Variants in SBF2 observed in about 807,000 individuals in gnomAD.
SBF2 encodes the protein SET binding factor 2.
Under a neutral mutation model 225.2 loss-of-function variants are expected in SBF2, and 112 were observed. That is an observed-to-expected ratio of 0.50 (90% CI 0.43 to 0.58). The LOEUF is 0.58. Among genes scored for constraint, SBF2 ranks in the 20% least tolerant of loss-of-function variants. SBF2 has a pLI of 0.00. For missense variants in SBF2, 1,996 were observed against 2,206.2 expected (o/e 0.90, Z 1.91); for synonymous variants, 763 against 773.3 (o/e 0.99, Z 0.22).
At chr11:10,125,143 T>C (rs1953690999) in intron 2 of SBF2, among the ~76,000 whole-genome samples, 1 of 151,858 alleles carries the variant, frequency 6.6e-6, no homozygotes, top group Admixed American at 6.6e-5. Context: ...CTTAGAATTT[T>C]ACCATGAATA....
chr11:10,145,607 A>T (rs1954846986), intron 2 of SBF2, among the ~76,000 whole-genome samples: 1 of 152,082 alleles, frequency 6.6e-6, no homozygotes, highest in Non-Finnish European at 1.5e-5. Flanking sequence ...TTCTCCCAAA[A>T]TACTCTTAGT....
intron 2 of SBF2, among the ~76,000 whole-genome samples, chr11:10,105,762 C>T (rs7102016): frequency 0.52 from 79,594 of 151,966 alleles, 21,182 homozygotes; most frequent in Admixed American, 0.61. Context: ...AATGGGTAAC[C>T]GGAAGCAATA....
intron 6 of SBF2, among the ~76,000 whole-genome samples, chr11:10,008,145 A>G (rs1948281995): frequency 3.3e-5 from 5 of 152,220 alleles, no homozygotes; most frequent in Admixed American, 3.3e-4. Flanking sequence ...CCAGGGAGGT[A>G]TATGGGGAAG....
chr11:10,170,255 G>C (rs543450668), intron 2 of SBF2, among the ~76,000 whole-genome samples: 2 of 152,268 alleles, frequency 1.3e-5, no homozygotes, highest in Admixed American at 1.3e-4. Flanking sequence ...TAATGTCATA[G>C]CTTGAAGTCT....
At chr11:10,300,914 G>A (rs910052883) in intron 1 of SBF2, among the ~76,000 whole-genome samples, 5 of 151,112 alleles carry the variant, frequency 3.3e-5, no homozygotes, top group Admixed American at 6.6e-5. Context: ...CTCCCAAAGT[G>A]CTAGGATTAC....
chr11:9,856,725 A>G lies in SBF2; in HGVS notation c.2101-5T>C. On this transcript the variant is annotated splice_polypyrimidine_tract_variant and splice_region_variant and intron_variant, in intron 18 of 39. Transcript: ENST00000256190. Reference sequence around the variant, plus strand: ...ATGGTCATCAGGAAGCTTATCCTAAAAAATAAAGCAACACAATCCAAAAGA... The same window carrying G: ...ATGGTCATCAGGAAGCTTATCCTAAGAAATAAAGCAACACAATCCAAAAGA... 1 of 1,613,506 alleles carries G rather than the reference A, an allele frequency of 6.2e-7. No homozygotes were observed. The highest frequency in any genetic ancestry group is 1.1e-5 in the South Asian group (1 of 91,078).
chr11:10,233,179 A>G (rs962995010), intron 1 of SBF2, among the ~76,000 whole-genome samples: 2 of 152,180 alleles, frequency 1.3e-5, no homozygotes, highest in African/African-American at 4.8e-5. Flanking sequence ...CTTCCCTTTG[A>G]AAGTTTCATA....
rs748051997 is a variant in SBF2, at chr11:10,133,585, C to G, written c.141+60317G>C. Among the ~76,000 whole-genome samples, 28 of 139,800 alleles carry G rather than the reference C, an allele frequency of 2.0e-4. 4 individuals are homozygous for G. The highest frequency in any genetic ancestry group is 7.1e-3 in the Middle Eastern group (2 of 282). The allele number at this position is 139,800 out of a possible 152,430, so 91.7% of individuals were successfully genotyped here. On this transcript the variant is annotated intron_variant, in intron 2 of 39. Transcript: ENST00000256190. ...CCATTGCCCAGGGCCAGCAGGGCTGCCTGGCTGCTCCGAGTGCGGGGCCCA... is the reference window on the plus strand; with the variant it reads ...CCATTGCCCAGGGCCAGCAGGGCTGGCTGGCTGCTCCGAGTGCGGGGCCCA...
chr11:10,039,065 G>GTAATCTGTA (rs1452945288), intron 3 of SBF2, among the ~76,000 whole-genome samples: 4 of 151,834 alleles, frequency 2.6e-5, no homozygotes, highest in Non-Finnish European at 5.9e-5. Context: ...TACTGACAGT[G>GTAATCTGTA]TTACTGTATC....
chr11:9,813,971 A>G (rs1276521480), intron 29 of SBF2, among the ~76,000 whole-genome samples: 1 of 152,110 alleles, frequency 6.6e-6, no homozygotes, highest in Non-Finnish European at 1.5e-5. Context: ...AAAAACCACG[A>G]AAGGCTTTGT....
chr11:10,229,813 T>C (rs1020198200), intron 1 of SBF2, among the ~76,000 whole-genome samples: 11 of 152,230 alleles, frequency 7.2e-5, no homozygotes, highest in Non-Finnish European at 1.0e-4. Context: ...GAGAGTTCTG[T>C]AGATGTCTAT....
intron 26 of SBF2, among the ~76,000 whole-genome samples, chr11:9,834,236 A>G (rs1251373085): frequency 1.5e-4 from 22 of 145,944 alleles, no homozygotes; most frequent in East Asian, 1.3e-3. Flanking sequence ...GGGATTACAG[A>G]CATGTGCCAC....
chr11:9,980,587 G>T (rs1456286938), intron 13 of SBF2, among the ~76,000 whole-genome samples: 1 of 150,790 alleles, frequency 6.6e-6, no homozygotes, highest in East Asian at 1.9e-4. Context: ...CAGAACTTAA[G>T]AATTTTTTTT....
chr11:9,894,854 T>G (rs563710131), intron 17 of SBF2, among the ~76,000 whole-genome samples: 3 of 151,970 alleles, frequency 2.0e-5, no homozygotes, highest in Non-Finnish European at 4.4e-5. Context: ...TGGTGGTACA[T>G]GCCTATAACC....
chr11:10,219,705 T>C (rs1958271213), intron 1 of SBF2, among the ~76,000 whole-genome samples: 1 of 152,230 alleles, frequency 6.6e-6, no homozygotes, highest in Admixed American at 6.5e-5. Context: ...TCTTTCTGGT[T>C]CAAAGTTCCA....
intron 2 of SBF2, among the ~76,000 whole-genome samples, chr11:10,120,840 G>A (rs1250751383): frequency 6.6e-6 from 1 of 152,150 alleles, no homozygotes; most frequent in Non-Finnish European, 1.5e-5. Flanking sequence ...GGCTGGTCTC[G>A]AACTCCTGAC....
At chr11:9,797,678 TATA>T (rs1435380880) in intron 32 of SBF2, among the ~76,000 whole-genome samples, 1 of 152,162 alleles carries the variant, frequency 6.6e-6, no homozygotes, top group African/African-American at 2.4e-5. Context: ...AGCAACTAAT[TATA>T]AAAACTGGCT....
At chr11:9,906,535 T>C (rs1046942348) in intron 16 of SBF2, among the ~76,000 whole-genome samples, 2 of 152,224 alleles carry the variant, frequency 1.3e-5, no homozygotes, top group African/African-American at 4.8e-5. Flanking sequence ...GCTGCTCAAA[T>C]GCTGATTGCA....
At chr11:9,955,131 TGCTTGTTA>T (rs1866079769) in intron 16 of SBF2, among the ~76,000 whole-genome samples, 1 of 152,020 alleles carries the variant, frequency 6.6e-6, no homozygotes, top group African/African-American at 2.4e-5. Context: ...AAGTAATACA[TGCTTGTTA>T]TATATCTTAT....
Sources: allele counts gnomAD v4.1 joint callset (sites outside exome capture counted in the v4.1 genomes callset), GRCh38; gene constraint gnomAD v4.1.1; transcripts MANE v1.5; gene names NCBI Gene and HGNC (gene_info 2026-07-23, HGNC 2026-07-21).